ZDHHC11: variants seen among roughly 807,000 people sequenced by gnomAD.
ZDHHC11 encodes palmitoyltransferase ZDHHC11.
A neutral mutation model predicts 51.3 loss-of-function variants in ZDHHC11; 44 were observed. The observed-to-expected ratio is 0.86, with a 90% CI of 0.67 to 1.10. The LOEUF (loss-of-function observed/expected upper bound fraction) is 1.10, where lower values mean the gene tolerates loss of function less well. Among genes scored for constraint, ZDHHC11 ranks in the 50% least tolerant of loss-of-function variants. The probability of loss-of-function intolerance (pLI) is 0.00; values close to 1 mark genes in which losing one functional copy is unlikely to be tolerated. For missense variants in ZDHHC11, 400 were observed against 537.7 expected (o/e 0.74, Z 2.53); for synonymous variants, 163 against 222.0 (o/e 0.73, Z 2.36).
At chr5:817,003 C>G (rs1223506139) in intron 10 of ZDHHC11, 3 of 225,508 alleles carry the variant, frequency 1.3e-5, no homozygotes, top group Non-Finnish European at 2.9e-5. Flanking sequence ...ATCAAATAGC[C>G]CTCTTTCTGC....
chr5:856,791 C>G (rs1748318596), intron 1 of ZDHHC11, among the ~76,000 whole-genome samples: 1 of 151,300 alleles, frequency 6.6e-6, no homozygotes, highest in African/African-American at 2.4e-5. Context: ...ACCACACAAA[C>G]CACACACAGA....
intron 8 of ZDHHC11, among the ~76,000 whole-genome samples, chr5:822,196 G>A (rs1304955694): frequency 1.3e-5 from 2 of 151,296 alleles, no homozygotes; most frequent in African/African-American, 4.9e-5. Flanking sequence ...GTTAGATGAG[G>A]CTATTAGAGT....
At chr5:820,959 A>C (rs2150334296) in intron 9 of ZDHHC11, among the ~76,000 whole-genome samples, 1 of 151,422 alleles carries the variant, frequency 6.6e-6, no homozygotes, top group Middle Eastern at 3.4e-3. Flanking sequence ...GTGAACCAGA[A>C]AAGGGGCCTT....
At chr5:835,848 G>A (rs1356834325) in intron 6 of ZDHHC11, among the ~76,000 whole-genome samples, 2 of 151,842 alleles carry the variant, frequency 1.3e-5, no homozygotes, top group Non-Finnish European at 2.9e-5. Flanking sequence ...ATTAGACTAT[G>A]AAAGGAAGTT....
At chr5:816,798 G>T (rs1740857884) in intron 10 of ZDHHC11, 8 of 477,022 alleles carry the variant, frequency 1.7e-5, no homozygotes, top group South Asian at 1.5e-4. Context: ...TTTGGGAGCT[G>T]CCCTCCAGTC....
chr5:807,664 G>A (rs1415118574), intron 11 of ZDHHC11, among the ~76,000 whole-genome samples: 1 of 152,100 alleles, frequency 6.6e-6, no homozygotes, highest in East Asian at 1.9e-4. Flanking sequence ...ACAACTCCAG[G>A]AGCTCACACA....
At chr5:833,140 C>A (rs866810411) in intron 7 of ZDHHC11, among the ~76,000 whole-genome samples, 1 of 151,932 alleles carries the variant, frequency 6.6e-6, no homozygotes, top group Non-Finnish European at 1.5e-5. Context: ...GTGAGAAGAG[C>A]GACAGCGTTG....
intron 11 of ZDHHC11, among the ~76,000 whole-genome samples, chr5:804,188 A>G (rs1359511340): frequency 1.3e-5 from 2 of 151,352 alleles, no homozygotes; most frequent in African/African-American, 4.9e-5. Flanking sequence ...TAAACAATTC[A>G]CAAGTTTTAA....
chr5:801,247 A>C, intron 11 of ZDHHC11, 83 bp from the exon 12 acceptor site: 1 of 1,533,264 alleles, frequency 6.5e-7, no homozygotes, highest in Non-Finnish European at 8.9e-7. Context: ...CAAAATGTGT[A>C]AACAAGAGTA....
At chr5:836,932 C>T (rs910143875) in intron 6 of ZDHHC11, among the ~76,000 whole-genome samples, 2 of 150,314 alleles carry the variant, frequency 1.3e-5, no homozygotes, top group African/African-American at 2.5e-5. Context: ...TGGCATACAT[C>T]TGTGATCCCA....
At chr5:845,147 G>A (rs1439449184) in intron 3 of ZDHHC11, among the ~76,000 whole-genome samples, 2 of 152,280 alleles carry the variant, frequency 1.3e-5, no homozygotes, top group African/African-American at 2.4e-5. Flanking sequence ...CAGGGGTGAC[G>A]GGTGGCTCCA....
chr5:834,085 T>C (rs1743435635), intron 6 of ZDHHC11, among the ~76,000 whole-genome samples: 1 of 152,232 alleles, frequency 6.6e-6, no homozygotes, highest in Non-Finnish European at 1.5e-5. Flanking sequence ...TACACCCTCA[T>C]TTAACTCCCA....
In ZDHHC11 at chr5:858,508, CCTTT is replaced by C. The variant is rs1346846104; in HGVS notation, c.-1+362_-1+365del. Among the ~76,000 whole-genome samples the C allele has an allele frequency of 1.8e-4, 27 of 152,300 alleles. 1 individual carries two copies. The highest frequency in any genetic ancestry group is 1.3e-3 in the Admixed American group (20 of 15,300). On this transcript the variant is annotated intron_variant, in intron 1 of 3. Transcript: ENST00000685990. ...GTCTGTCCTCTTCATCCCTGTCCTT[CCTTT>C]ATGACACTGTGGTCCCTGAGTCTGT...
intron 11 of ZDHHC11, among the ~76,000 whole-genome samples, chr5:808,668 G>A (rs1739634431): frequency 6.8e-6 from 1 of 147,968 alleles, no homozygotes; most frequent in South Asian, 2.2e-4. Context: ...CCCGAGGAAT[G>A]GGATTACAGG....
upstream of ZDHHC11, among the ~76,000 whole-genome samples, chr5:859,149 T>C (rs1748658190): frequency 6.6e-6 from 1 of 151,820 alleles, no homozygotes; most frequent in Non-Finnish European, 1.5e-5. Flanking sequence ...CAAGACAAGG[T>C]GGCTTGATCC....
intron 1 of ZDHHC11, among the ~76,000 whole-genome samples, chr5:856,257 C>T (rs1748222695): frequency 6.6e-6 from 1 of 151,264 alleles, no homozygotes; most frequent in African/African-American, 2.4e-5. Context: ...ACACACAACA[C>T]ACACCAAACA....
chr5:844,285 C>T (rs1234854882), intron 3 of ZDHHC11, among the ~76,000 whole-genome samples: 28 of 152,354 alleles, frequency 1.8e-4, no homozygotes, highest in African/African-American at 4.6e-4. Context: ...ATTCAGGCAG[C>T]GCTTCTTGCA....
At chr5:814,504 AAG>A (rs1230700221) in intron 11 of ZDHHC11, among the ~76,000 whole-genome samples, 2 of 151,486 alleles carry the variant, frequency 1.3e-5, no homozygotes, top group African/African-American at 4.8e-5. Context: ...TGTTTAAAGA[AAG>A]AAAATAACTA....
At chr5:848,904 C>G (rs1351461673) in intron 1 of ZDHHC11, among the ~76,000 whole-genome samples, 2 of 151,036 alleles carry the variant, frequency 1.3e-5, no homozygotes, top group East Asian at 1.9e-4. Flanking sequence ...GGCCTGCACA[C>G]CCAGCCCTGC....
Sources: gnomAD v4.1 joint callset for allele counts (sites outside exome capture counted in the v4.1 genomes callset) on GRCh38, gnomAD v4.1.1 for gene constraint, MANE v1.5 for transcripts, NCBI Gene and HGNC (gene_info 2026-07-23, HGNC 2026-07-21) for gene names.